Variants in MYEOV observed in about 807,000 individuals in gnomAD.
MYEOV encodes the protein myeloma-overexpressed gene protein.
In MYEOV, 4 loss-of-function variants were observed where a neutral mutation model predicts 4.5. That is an observed-to-expected ratio of 0.89 (90% confidence interval 0.44 to 2.03). The LOEUF (loss-of-function observed/expected upper bound fraction) is 2.03. MYEOV is among the 30% of genes most tolerant of loss of function. The pLI is 0.03. For missense variants in MYEOV, 408 were observed against 412.8 expected (o/e 0.99, Z 0.10); for synonymous variants, 184 against 170.3 (o/e 1.08, Z -0.63).
chr11:69,296,370 T>C lies in MYEOV; in HGVS notation c.920T>C (p.Leu307Pro). Residue 307 changes from leucine to proline, a missense_variant, in exon 3 of 3, where the codon CTC becomes CCC. By Grantham distance (98) the Leu-to-Pro change is moderately conservative. Transcript: ENST00000441339. ...CTCCACCACCTCCTCCTCCTCCTCC[T>C]CATCATCATCCTCACTTGTTGAGGA... ...LLLHHLLLLL[L>P]IIILTC 3 of 1,471,446 alleles carry C rather than the reference T, an allele frequency of 2.0e-6. No individual in the cohort carries two copies. The highest frequency in any genetic ancestry group is 5.4e-5 in the Admixed American group (2 of 36,714). 91.1% of individuals were successfully genotyped at this position (1,471,446 alleles called of 1,614,324 possible).
Position 69,295,391 on chromosome 11 carries a change from C to T in MYEOV, c.37C>T (p.Leu13Phe), listed in dbSNP as rs1301433844. 6.2e-7 allele frequency: 1 copy of T among 1,613,454 alleles called. No individual in the cohort carries two copies. The change falls in exon 2 of 3, where the codon CTC becomes TTC. Residue 13 changes from leucine (L) to phenylalanine (F), a missense_variant. Transcript: ENST00000441339. This position sits in a 1 kb window ranked among gnomAD's most constrained non-coding sequence, Gnocchi z 4.1. Reference sequence around the variant, plus strand: ...AATCTGCGTCACATACACCCCAGCTCTCCCGATAGGTCTCTGCACTCGCTG... The same window carrying T: ...AATCTGCGTCACATACACCCCAGCTTTCCCGATAGGTCTCTGCACTCGCTG... ...LRICVTYTPA[L>F]PIGLCTRCCL...
Position 69,297,194 on chromosome 11 carries a change from G to A in MYEOV, c.*802G>A, listed in dbSNP as rs1423759307. The A allele has an allele frequency of 6.6e-6, 1 of 152,178 alleles. No individual in the cohort carries two copies. The highest frequency in any genetic ancestry group is 1.5e-5 in the Non-Finnish European group (1 of 68,032). The allele number at this position is 152,178 out of a possible 1,614,324, so 9.4% of individuals were successfully genotyped here. On this transcript the variant is annotated 3_prime_UTR_variant, in exon 3 of 3. Transcript: ENST00000441339. ...GGGCATTTTTGTCGCCGTCTCCTTT[G>A]GGCTCTGTCTCCTCCCTGCTGTGCT...
chr11:69,295,158 C>A lies in MYEOV; in HGVS notation c.-122-75C>A. 1 of 896,026 alleles carries A rather than the reference C, an allele frequency of 1.1e-6. No homozygotes were observed. The highest frequency in any genetic ancestry group is 1.6e-6 in the Non-Finnish European group (1 of 610,880). 55.5% of individuals were successfully genotyped at this position (896,026 alleles called of 1,614,324 possible). A position where few individuals can be genotyped will look rare whatever the true frequency, so the allele number is the denominator to read the frequency against. Reference sequence around the variant, plus strand: ...ACCCAGGCACAGAGCGGCGGCCTCTCATCCTCCCCATGGTCAAGGAGGTCA... The same window carrying A: ...ACCCAGGCACAGAGCGGCGGCCTCTAATCCTCCCCATGGTCAAGGAGGTCA... On this transcript the variant is annotated intron_variant, in intron 1 of 2. Transcript: ENST00000441339. The surrounding 1 kb of genome is among the most constrained non-coding windows in gnomAD (Gnocchi z 4.1).
In MYEOV at chr11:69,296,726, C is replaced by T. The variant is rs977870155; in HGVS notation, c.*334C>T. 1.8e-5 allele frequency: 5 copies of T among 271,290 alleles called. No homozygotes were observed. Among genetic ancestry groups the T allele is most frequent in the South Asian group, 1.1e-4 (1 of 9,252 alleles). The allele number at this position is 271,290 out of a possible 1,614,324, so 16.8% of individuals were successfully genotyped here. On this transcript the variant is annotated 3_prime_UTR_variant, in exon 3 of 3. Coordinates refer to ENST00000441339, the MANE Select transcript of MYEOV (RefSeq NM_001293291.2). ...CAGCTGGTTAGAGGCTGGGAGGACA[C>T]GCAAGTTCAGCTCCAGCCGACTGGG...
In MYEOV at chr11:69,296,229, G is replaced by A; in HGVS notation, c.779G>A (p.Trp260Ter). ...WGLPLRVAGS[W>*]LTVVTVEALG... ...CTGCCTCTGCGGGTGGCTGGGTCCT[G>A]GCTGACTGTTGTGACTGTTGAGGCC... The change falls in exon 3 of 3, where the codon TGG (tryptophan) becomes TAG (stop). Residue 260 changes from tryptophan (W) to a stop codon, truncating the protein, a stop_gained. Transcript: ENST00000441339. LOFTEE classifies it low-confidence loss of function (END_TRUNC). The A allele has an allele frequency of 6.2e-7, 1 of 1,608,268 alleles. No homozygotes were observed.
At position 69,295,884 on chromosome 11, in the gene MYEOV, G is replaced by A. The variant is rs151202721; in HGVS notation, c.434G>A (p.Cys145Tyr). 1,927 of 1,614,174 alleles carry A rather than the reference G, an allele frequency of 1.2e-3. 18 individuals are homozygous for A. The African/African-American group carries it at 0.022, about 19-fold the overall frequency. ...RVTDAPQGTL[C>Y]GTGNRNSGSQ... ...ACAGATGCACCACAAGGCACTCTGT[G>A]TGGCACTGGGAACAGGAATTCTGGG... is the stretch of plus-strand genomic sequence containing the variant. The change falls in exon 3 of 3, where the codon TGT becomes TAT. Residue 145 changes from cysteine (C) to tyrosine (Y), a missense_variant. Physicochemically the swap from Cys to Tyr is radical, Grantham distance 194 (BLOSUM62 -2). Coordinates refer to ENST00000441339, the MANE Select transcript of MYEOV (RefSeq NM_001293291.2). The surrounding 1 kb of genome is among the most constrained non-coding windows in gnomAD (Gnocchi z 4.1).
Position 69,295,648 on chromosome 11 carries a change from C to T in MYEOV, c.198C>T (p.His66=). ...SLLMFTRQAG[H]FVEGSKAGRS... ...TCATGTTCACCCGGCAGGCTGGACA[C>T]TTCGTGGAGGGCTCCAAAGCCGGCA... Residue 66 remains histidine, a synonymous_variant, in exon 3 of 3, where the codon CAC becomes CAT. Transcript: ENST00000441339. This position sits in a 1 kb window ranked among gnomAD's most constrained non-coding sequence, Gnocchi z 4.1. 1 of 1,614,162 alleles carries T rather than the reference C, an allele frequency of 6.2e-7. No homozygotes were observed. Among genetic ancestry groups the T allele is most frequent in the Non-Finnish European group, 8.5e-7 (1 of 1,180,038 alleles).
rs1855149752 is a variant in MYEOV, at chr11:69,295,313, C to T, written c.-42C>T. On this transcript the variant is annotated 5_prime_UTR_variant, in exon 2 of 3. Transcript: ENST00000441339. The surrounding 1 kb of genome is among the most constrained non-coding windows in gnomAD (Gnocchi z 4.1). ...CCACGCTTAACACCTCTAACAACTT[C>T]CCCTGGCACTTAGGACAGCGTCTGG... 6.4e-7 allele frequency: 1 copy of T among 1,556,314 alleles called. No individual in the cohort carries two copies. The highest frequency in any genetic ancestry group is 2.0e-5 in the Admixed American group (1 of 51,202).
Position 69,296,213 on chromosome 11 carries a change from C to G in MYEOV, c.763C>G (p.Arg255Gly). The G allele has an allele frequency of 6.2e-7, 1 of 1,610,862 alleles. No homozygotes were observed. The change falls in exon 3 of 3, where the codon CGG (arginine) becomes GGG (glycine). Residue 255 changes from arginine (R) to glycine (G), a missense_variant. Transcript: ENST00000441339. The part of the protein sequence containing the change: ...PHCSTWGLPL[R>G]VAGSWLTVVT... The stretch of plus-strand genomic sequence containing the variant: ...CTGCTCCACCTGGGGCCTGCCTCTG[C>G]GGGTGGCTGGGTCCTGGCTGACTGT...
chr11:69,295,092 T>C lies in MYEOV; in HGVS notation c.-122-141T>C. ...TTTGGGCAGGTCCCAGCTTCCAGGA[T>C]CATGAGGTGAAAACGTGAAGGGACC... On this transcript the variant is annotated intron_variant, in intron 1 of 2. Coordinates refer to ENST00000441339, the MANE Select transcript of MYEOV (RefSeq NM_001293291.2). This position sits in a 1 kb window ranked among gnomAD's most constrained non-coding sequence, Gnocchi z 4.1. The C allele has an allele frequency of 1.4e-5, 7 of 503,584 alleles. No individual in the cohort carries two copies. Among genetic ancestry groups the C allele is most frequent in the Non-Finnish European group, 2.4e-5 (7 of 289,508 alleles). 31.2% of individuals were successfully genotyped at this position (503,584 alleles called of 1,614,324 possible).
In MYEOV at chr11:69,296,677, C is replaced by T; in HGVS notation, c.*285C>T. On this transcript the variant is annotated 3_prime_UTR_variant, in exon 3 of 3. Coordinates refer to ENST00000441339, the MANE Select transcript of MYEOV (RefSeq NM_001293291.2). Reference sequence around the variant, plus strand: ...CCAGGTGCTGGGAAAATCATGATAACCCAGCTCCTTCTGGTCATTTTCTCA... The same window carrying T: ...CCAGGTGCTGGGAAAATCATGATAATCCAGCTCCTTCTGGTCATTTTCTCA... 8.1e-6 allele frequency: 3 copies of T among 370,904 alleles called. No homozygotes were observed. Among genetic ancestry groups the T allele is most frequent in the Non-Finnish European group, 1.5e-5 (3 of 205,746 alleles). 23.0% of individuals were successfully genotyped at this position (370,904 alleles called of 1,614,324 possible). A position where few individuals can be genotyped will look rare whatever the true frequency, so the allele number is the denominator to read the frequency against.
Position 69,295,945 on chromosome 11 carries a change from G to C in MYEOV, c.495G>C (p.Leu165=), listed in dbSNP as rs1855175778. 1.9e-6 allele frequency: 3 copies of C among 1,614,022 alleles called. No homozygotes were observed. The highest frequency in any genetic ancestry group is 2.5e-6 in the Non-Finnish European group (3 of 1,180,018). ...QSARVVGVAH[L]GEAFRVGVEQ... is the part of the protein sequence containing the mutation. ...CAAGGGTGGTGGGCGTTGCTCACCT[G>C]GGAGAAGCCTTTAGAGTGGGCGTTG... The change falls in exon 3 of 3, where the codon CTG becomes CTC. Residue 165 remains leucine, a synonymous_variant. Coordinates refer to ENST00000441339, the MANE Select transcript of MYEOV (RefSeq NM_001293291.2). This position sits in a 1 kb window ranked among gnomAD's most constrained non-coding sequence, Gnocchi z 4.1.
Position 69,295,206 on chromosome 11 carries a change from G to T in MYEOV, c.-122-27G>T. 3 of 1,310,142 alleles carry T rather than the reference G, an allele frequency of 2.3e-6. No homozygotes were observed. The South Asian group carries it at 4.5e-5, about 20-fold the overall frequency. The allele number at this position is 1,310,142 out of a possible 1,614,324, so 81.2% of individuals were successfully genotyped here. ...TCAGTGCCTTCCCGGGGTGGATTACGGATGGTAGTATCTTCCTTCTCCTCA... is the reference window on the plus strand; with the variant it reads ...TCAGTGCCTTCCCGGGGTGGATTACTGATGGTAGTATCTTCCTTCTCCTCA... On this transcript the variant is annotated intron_variant, in intron 1 of 2. Coordinates refer to ENST00000441339, the MANE Select transcript of MYEOV (RefSeq NM_001293291.2). This position sits in a 1 kb window ranked among gnomAD's most constrained non-coding sequence, Gnocchi z 4.1.
chr11:69,296,130 C>T lies in MYEOV; in HGVS notation c.680C>T (p.Pro227Leu). 1 of 1,614,150 alleles carries T rather than the reference C, an allele frequency of 6.2e-7. No homozygotes were observed. The highest frequency in any genetic ancestry group is 8.5e-7 in the Non-Finnish European group (1 of 1,180,038). ...LCMTLAESSCPDYERGRRACL... is the reference protein window; with the variant it reads ...LCMTLAESSCLDYERGRRACL... Reference sequence around the variant, plus strand: ...ATGACCCTGGCAGAATCGAGCTGCCCTGACTATGAAAGGGGAAGAAGAGCA... The same window carrying T: ...ATGACCCTGGCAGAATCGAGCTGCCTTGACTATGAAAGGGGAAGAAGAGCA... The change falls in exon 3 of 3, where the codon CCT becomes CTT. Residue 227 changes from proline to leucine, a missense_variant. Transcript: ENST00000441339.
chr11:69,296,942 G>A lies in MYEOV; in HGVS notation c.*550G>A, dbSNP rs1855217105. ...GAAATGCATCCAGACACTGTGCTGG[G>A]TGTGTTGCATGGCCCTCCCAACCAA... On this transcript the variant is annotated 3_prime_UTR_variant, in exon 3 of 3. Coordinates refer to ENST00000441339, the MANE Select transcript of MYEOV (RefSeq NM_001293291.2). 1 of 152,474 alleles carries A rather than the reference G, an allele frequency of 6.6e-6. No individual in the cohort carries two copies. The highest frequency in any genetic ancestry group is 2.1e-4 in the South Asian group (1 of 4,832). The allele number at this position is 152,474 out of a possible 1,614,324, so 9.4% of individuals were successfully genotyped here.
rs957435556 is a variant in MYEOV at position 69,297,195 on chromosome 11, G to A, written c.*803G>A. On this transcript the variant is annotated 3_prime_UTR_variant, in exon 3 of 3. Transcript: ENST00000441339. Reference sequence around the variant, plus strand: ...GGCATTTTTGTCGCCGTCTCCTTTGGGCTCTGTCTCCTCCCTGCTGTGCTT... The same window carrying A: ...GGCATTTTTGTCGCCGTCTCCTTTGAGCTCTGTCTCCTCCCTGCTGTGCTT... The A allele has an allele frequency of 1.3e-5, 2 of 152,166 alleles. No individual in the cohort carries two copies. The highest frequency in any genetic ancestry group is 2.9e-5 in the Non-Finnish European group (2 of 68,046). 9.4% of individuals were successfully genotyped at this position (152,166 alleles called of 1,614,324 possible). A position where few individuals can be genotyped will look rare whatever the true frequency, so the allele number is the denominator to read the frequency against.
In MYEOV at chr11:69,295,319, G is replaced by A. The variant is rs1451763591; in HGVS notation, c.-36G>A. 6.4e-7 allele frequency: 1 copy of A among 1,560,776 alleles called. No homozygotes were observed. The highest frequency in any genetic ancestry group is 8.7e-7 in the Non-Finnish European group (1 of 1,151,802). ...TTAACACCTCTAACAACTTCCCCTG[G>A]CACTTAGGACAGCGTCTGGCTCCTT... On this transcript the variant is annotated 5_prime_UTR_variant, in exon 2 of 3. Transcript: ENST00000441339. This position sits in a 1 kb window ranked among gnomAD's most constrained non-coding sequence, Gnocchi z 4.1.
Position 69,296,457 on chromosome 11 carries a change from A to T in MYEOV, c.*65A>T, listed in dbSNP as rs1855204785. 9.1e-7 allele frequency: 1 copy of T among 1,096,480 alleles called. No individual in the cohort carries two copies. Among genetic ancestry groups the T allele is most frequent in the Non-Finnish European group, 1.3e-6 (1 of 786,696 alleles). The allele number at this position is 1,096,480 out of a possible 1,614,324, so 67.9% of individuals were successfully genotyped here. A position where few individuals can be genotyped will look rare whatever the true frequency, so the allele number is the denominator to read the frequency against. The stretch of plus-strand genomic sequence containing the variant: ...ATTTAATCCTCAGAATGACTCCATG[A>T]GGTAGCTACTAAAACCCCCCACTTA... On this transcript the variant is annotated 3_prime_UTR_variant, in exon 3 of 3. Coordinates refer to ENST00000441339, the MANE Select transcript of MYEOV (RefSeq NM_001293291.2).
rs1331984789 is a variant in MYEOV at position 69,296,684 on chromosome 11, C to T, written c.*292C>T. 6 of 354,800 alleles carry T rather than the reference C, an allele frequency of 1.7e-5. No homozygotes were observed. Among genetic ancestry groups the T allele is most frequent in the Non-Finnish European group, 3.1e-5 (6 of 195,680 alleles). 22.0% of individuals were successfully genotyped at this position (354,800 alleles called of 1,614,324 possible). A position where few individuals can be genotyped will look rare whatever the true frequency, so the allele number is the denominator to read the frequency against. ...CTGGGAAAATCATGATAACCCAGCTCCTTCTGGTCATTTTCTCAGCTGGTT... is the reference window on the plus strand; with the variant it reads ...CTGGGAAAATCATGATAACCCAGCTTCTTCTGGTCATTTTCTCAGCTGGTT... On this transcript the variant is annotated 3_prime_UTR_variant, in exon 3 of 3. Transcript: ENST00000441339.
Sources: allele counts gnomAD v4.1 joint callset, GRCh38; gene constraint gnomAD v4.1.1; non-coding constraint Gnocchi (gnomAD v3.1); transcripts MANE v1.5; gene names NCBI Gene and HGNC (gene_info 2026-07-23, HGNC 2026-07-21).